Variants in NHLRC2 observed in about 807,000 individuals in gnomAD.
NHLRC2 encodes the protein NHL repeat-containing protein 2.
In NHLRC2, 33 loss-of-function variants were observed where a neutral mutation model predicts 68.1. That is an observed-to-expected ratio of 0.48 (90% CI 0.37 to 0.65). NHLRC2 has a LOEUF of 0.65. Ranked by LOEUF, NHLRC2 falls within the 30% of genes least tolerant of loss-of-function variation. The probability of loss-of-function intolerance (pLI) is 0.00; values close to 1 mark genes in which losing one functional copy is unlikely to be tolerated. For missense variants in NHLRC2, 761 were observed against 853.8 expected, an observed-to-expected ratio of 0.89 and a Z score of 1.35; for synonymous variants, 311 against 309.6, an observed-to-expected ratio of 1.00 and a Z score of -0.05.
chr10:113,905,052 T>G lies in NHLRC2; in HGVS notation c.1924+16T>G, dbSNP rs2134740747. The G allele has an allele frequency of 8.1e-7, 1 of 1,233,518 alleles. No homozygotes were observed. The highest frequency in any genetic ancestry group is 2.4e-5 in the East Asian group (1 of 41,524). The allele number at this position is 1,233,518 out of a possible 1,614,324, so 76.4% of individuals were successfully genotyped here. A position where few individuals can be genotyped will look rare whatever the true frequency, so the allele number is the denominator to read the frequency against. On this transcript the variant is annotated intron_variant, in intron 10 of 10. Transcript: ENST00000369301. ...ACAGCTGAAGGTATGAGTATAAGCTTGCAAATACTAATACATCATATATTC... is the reference window on the plus strand; with the variant it reads ...ACAGCTGAAGGTATGAGTATAAGCTGGCAAATACTAATACATCATATATTC...
intron 2 of NHLRC2, 35 bp from the exon 3 acceptor site, chr10:113,876,486 T>G (rs1360108333): frequency 8.3e-7 from 1 of 1,208,088 alleles, no homozygotes; most frequent in Non-Finnish European, 1.2e-6. Context: ...ACTTAAATAT[T>G]TAATAATGTT....
At chr10:113,864,433 C>G (rs1845844517) in intron 2 of NHLRC2, among the ~76,000 whole-genome samples, 2 of 152,164 alleles carry the variant, frequency 1.3e-5, no homozygotes, top group Admixed American at 6.5e-5. Flanking sequence ...GGCGTGGTGT[C>G]TCACGCCTAT....
chr10:113,878,170 T>C (rs938601036), intron 3 of NHLRC2, among the ~76,000 whole-genome samples: 1 of 152,200 alleles, frequency 6.6e-6, no homozygotes, highest in Admixed American at 6.5e-5. Context: ...TTATTGGTGA[T>C]GGTATCATAA....
In NHLRC2 at chr10:113,913,089, T is replaced by C. The variant is rs1269107970; in HGVS notation, c.*4553T>C. The C allele has an allele frequency of 6.6e-6, 1 of 152,216 alleles. No homozygotes were observed. Among genetic ancestry groups the C allele is most frequent in the African/African-American group, 2.4e-5 (1 of 41,450 alleles). 9.4% of individuals were successfully genotyped at this position (152,216 alleles called of 1,614,324 possible). Reference sequence around the variant, plus strand: ...TCATTTAATCCACACAACAACCTTATGTGAGAAATACCATTTTTCCTTATT... The same window carrying C: ...TCATTTAATCCACACAACAACCTTACGTGAGAAATACCATTTTTCCTTATT... On this transcript the variant is annotated 3_prime_UTR_variant, in exon 11 of 11. Transcript: ENST00000369301.
At chr10:113,888,368 A>G (rs918548439) in intron 5 of NHLRC2, among the ~76,000 whole-genome samples, 1 of 152,230 alleles carries the variant, frequency 6.6e-6, no homozygotes, top group Non-Finnish European at 1.5e-5. Context: ...ATTTAGCTTG[A>G]TTGAATCTTT....
intron 1 of NHLRC2, 64 bp downstream of exon 1, chr10:113,855,114 C>G: frequency 7.1e-7 from 1 of 1,416,094 alleles, no homozygotes; most frequent in Non-Finnish European, 9.7e-7. Context: ...GGACGGCGCC[C>G]TCCCGCGAAG....
chr10:113,882,185 A>G lies in NHLRC2; in HGVS notation c.910-2066A>G, dbSNP rs889292825. On this transcript the variant is annotated intron_variant, in intron 4 of 10. Coordinates refer to ENST00000369301, the MANE Select transcript of NHLRC2 (RefSeq NM_198514.4). ...GTGAGCATTGATACACAGGTTTTAC[A>G]TGGACATACATTTTTATTTGGCATG... is the stretch of plus-strand genomic sequence containing the variant. Among the ~76,000 whole-genome samples the G allele has an allele frequency of 2.6e-5, 4 of 151,774 alleles. No homozygotes were observed. In the East Asian group the frequency reaches 7.7e-4, roughly 29 times the overall value.
chr10:113,883,555 G>T (rs887581808), intron 4 of NHLRC2, among the ~76,000 whole-genome samples: 1 of 151,898 alleles, frequency 6.6e-6, no homozygotes, highest in Non-Finnish European at 1.5e-5. Flanking sequence ...TAACTTTCCT[G>T]TGTGTTTGAA....
chr10:113,882,497 T>A (rs572276891), intron 4 of NHLRC2, among the ~76,000 whole-genome samples: 1 of 151,960 alleles, frequency 6.6e-6, no homozygotes, highest in African/African-American at 2.4e-5. Flanking sequence ...CATTTTTATA[T>A]CTTTGAGAAG....
Position 113,914,117 on chromosome 10 carries a change from C to A in NHLRC2, c.*5581C>A, listed in dbSNP as rs1008734635. The A allele has an allele frequency of 6.6e-6, 1 of 152,288 alleles. No individual in the cohort carries two copies. Among genetic ancestry groups the A allele is most frequent in the Admixed American group, 6.6e-5 (1 of 15,262 alleles). The allele number at this position is 152,288 out of a possible 1,614,324, so 9.4% of individuals were successfully genotyped here. ...GCGCCTGCCTTGGCCTCCCAAAGTG[C>A]TGGGATTACAGGCGTGAGCCACCGT... On this transcript the variant is annotated 3_prime_UTR_variant, in exon 11 of 11. Coordinates refer to ENST00000369301, the MANE Select transcript of NHLRC2 (RefSeq NM_198514.4).
In NHLRC2 at chr10:113,915,603, T is replaced by G. The variant is rs1006401975; in HGVS notation, c.*7067T>G. ...GACAAAATCAGCTCTCAGACTTAACTCTCCCCAATTAAAATAGTTTTTTTT... is the reference window on the plus strand; with the variant it reads ...GACAAAATCAGCTCTCAGACTTAACGCTCCCCAATTAAAATAGTTTTTTTT... On this transcript the variant is annotated 3_prime_UTR_variant, in exon 11 of 11. Coordinates refer to ENST00000369301, the MANE Select transcript of NHLRC2 (RefSeq NM_198514.4). 9 of 229,620 alleles carry G rather than the reference T, an allele frequency of 3.9e-5. No individual in the cohort carries two copies. The highest frequency in any genetic ancestry group is 1.9e-4 in the African/African-American group (8 of 42,214). 14.2% of individuals were successfully genotyped at this position (229,620 alleles called of 1,614,324 possible). A position where few individuals can be genotyped will look rare whatever the true frequency, so the allele number is the denominator to read the frequency against.
At position 113,876,570 on chromosome 10, in the gene NHLRC2, A is replaced by G; in HGVS notation, c.381A>G (p.Lys127=). 1 of 1,608,676 alleles carries G rather than the reference A, an allele frequency of 6.2e-7. No homozygotes were observed. Among genetic ancestry groups the G allele is most frequent in the Non-Finnish European group, 8.5e-7 (1 of 1,177,376 alleles). ...ACTCGGCTAAGTTTCCAAATGAAAA[A>G]GTCCTGGATAACATTAAGAGTGCTG... is the stretch of plus-strand genomic sequence containing the variant. ...GVHSAKFPNE[K]VLDNIKSAVL... The change falls in exon 3 of 11, where the codon AAA becomes AAG. Residue 127 remains lysine (K), a synonymous_variant. Coordinates refer to ENST00000369301, the MANE Select transcript of NHLRC2 (RefSeq NM_198514.4).
intron 2 of NHLRC2, among the ~76,000 whole-genome samples, chr10:113,875,216 C>A (rs1589539059): frequency 6.6e-6 from 1 of 151,976 alleles, no homozygotes; most frequent in South Asian, 2.1e-4. Flanking sequence ...TAGGCATCAA[C>A]CCTCTTAATT....
chr10:113,881,703 G>T (rs533575418), intron 4 of NHLRC2, among the ~76,000 whole-genome samples: 1 of 151,464 alleles, frequency 6.6e-6, no homozygotes, highest in African/African-American at 2.4e-5. Context: ...TTACTTTATT[G>T]TGCTATATTT....
intron 2 of NHLRC2, among the ~76,000 whole-genome samples, chr10:113,874,033 T>C (rs1845954646): frequency 6.6e-6 from 1 of 152,208 alleles, no homozygotes; most frequent in African/African-American, 2.4e-5. Flanking sequence ...ACAAGTATTA[T>C]GTGTATTTGG....
chr10:113,856,503 T>C (rs571644478), intron 1 of NHLRC2, among the ~76,000 whole-genome samples: 1 of 152,106 alleles, frequency 6.6e-6, no homozygotes, highest in East Asian at 1.9e-4. Flanking sequence ...TAAAAGATTG[T>C]TTACATCTAT....
At chr10:113,896,239 C>T (rs1328908107) in intron 5 of NHLRC2, among the ~76,000 whole-genome samples, 2 of 151,982 alleles carry the variant, frequency 1.3e-5, no homozygotes, top group African/African-American at 4.8e-5. Flanking sequence ...CGGCATTATT[C>T]ACAATAGCAA....
At chr10:113,858,744 C>T (rs1845787199) in intron 2 of NHLRC2, 64 bp downstream of exon 2, 2 of 1,108,508 alleles carry the variant, frequency 1.8e-6, no homozygotes, top group South Asian at 2.8e-5. Flanking sequence ...GAGTGGCTGA[C>T]TCATTAGCTC....
intron 2 of NHLRC2, among the ~76,000 whole-genome samples, chr10:113,859,812 G>A (rs1845799186): frequency 6.6e-6 from 1 of 152,154 alleles, no homozygotes; most frequent in African/African-American, 2.4e-5. Flanking sequence ...CTAAGGAAAG[G>A]AATAAGTCAC....
Sources: allele counts gnomAD v4.1 joint callset (sites outside exome capture counted in the v4.1 genomes callset), GRCh38; gene constraint gnomAD v4.1.1; transcripts MANE v1.5; gene names NCBI Gene and HGNC (gene_info 2026-07-23, HGNC 2026-07-21).